RANBP17: variants seen among roughly 807,000 people sequenced by gnomAD.
RANBP17 encodes RAN binding protein 17.
RANBP17 carries 158 observed loss-of-function variants against 141.2 expected under a neutral mutation model. The observed-to-expected ratio is 1.12, with a 90% CI of 0.98 to 1.28. RANBP17 has a LOEUF of 1.28. RANBP17 is among the 50% of genes most tolerant of loss of function. RANBP17 has a pLI of 0.00. For synonymous variants in RANBP17, 430 were observed against 450.0 expected (o/e 0.96, Z 0.56); for missense variants, 1,438 against 1,290.7 (o/e 1.11, Z -1.75).
intron 14 of RANBP17, among the ~76,000 whole-genome samples, chr5:171,058,598 T>G (rs1783578117): frequency 1.3e-5 from 2 of 151,272 alleles, no homozygotes; most frequent in South Asian, 2.1e-4. Flanking sequence ...TCTTTGCTAT[T>G]TTGAATAGTG....
At chr5:171,116,642 C>T (rs1321206984) in intron 14 of RANBP17, among the ~76,000 whole-genome samples, 2 of 152,006 alleles carry the variant, frequency 1.3e-5, no homozygotes, top group Non-Finnish European at 2.9e-5. Flanking sequence ...TTAGCATATC[C>T]ATCATCTCAA....
intron 14 of RANBP17, chr5:171,028,911 A>G: frequency 3.1e-6 from 4 of 1,288,628 alleles, no homozygotes; most frequent in Non-Finnish European, 4.0e-6. Flanking sequence ...TGGCAAACCT[A>G]TCCAACTCGG....
chr5:171,149,881 C>T (rs1038041204), intron 14 of RANBP17, among the ~76,000 whole-genome samples: 2 of 152,146 alleles, frequency 1.3e-5, no homozygotes, highest in African/African-American at 2.4e-5. Flanking sequence ...CAGCGATCTC[C>T]TCTGTAGACT....
At chr5:171,154,316 A>C (rs1400915373) in intron 14 of RANBP17, among the ~76,000 whole-genome samples, 1 of 152,006 alleles carries the variant, frequency 6.6e-6, no homozygotes, top group African/African-American at 2.4e-5. Context: ...TTGCTTTGTC[A>C]CCCAGGCTGG....
chr5:170,863,127 T>G (rs918958252), intron 1 of RANBP17, among the ~76,000 whole-genome samples: 4 of 152,110 alleles, frequency 2.6e-5, no homozygotes, highest in African/African-American at 9.7e-5. Flanking sequence ...AGTCTACTGG[T>G]CCTTGAAAGA....
intron 14 of RANBP17, among the ~76,000 whole-genome samples, chr5:171,085,334 G>A (rs1294648998): frequency 1.6e-5 from 2 of 125,344 alleles, no homozygotes; most frequent in Non-Finnish European, 3.4e-5. Context: ...CTCTGTTTTG[G>A]TACCAGTACC....
At chr5:171,061,656 A>C (rs1345175057) in intron 14 of RANBP17, among the ~76,000 whole-genome samples, 1 of 151,960 alleles carries the variant, frequency 6.6e-6, no homozygotes, top group Non-Finnish European at 1.5e-5. Context: ...TGGGGTGGAG[A>C]GTTCTGTAGG....
intron 5 of RANBP17, among the ~76,000 whole-genome samples, chr5:170,902,314 G>A (rs2127405114): frequency 6.6e-6 from 1 of 152,020 alleles, no homozygotes; most frequent in Middle Eastern, 3.4e-3. Context: ...GATTGATTTG[G>A]CCGTTGATGT....
chr5:171,277,955 T>C (rs1767633956), intron 25 of RANBP17, among the ~76,000 whole-genome samples: 1 of 122,500 alleles, frequency 8.2e-6, no homozygotes, highest in Non-Finnish European at 1.7e-5. Flanking sequence ...TTTTTTTTTT[T>C]TTTTTTTTTT....
At chr5:171,152,377 A>G (rs894073595) in intron 14 of RANBP17, among the ~76,000 whole-genome samples, 9 of 149,410 alleles carry the variant, frequency 6.0e-5, no homozygotes, top group South Asian at 2.2e-4. Context: ...TGAGATCGCT[A>G]TTGCACTCCA....
rs1381847064 is a variant in RANBP17 at position 171,086,258 on chromosome 5, G to A, written c.1711-83872G>A. Among the ~76,000 whole-genome samples the A allele has an allele frequency of 6.4e-3, 892 of 139,054 alleles. 7 individuals carry two copies. Among genetic ancestry groups the A allele is most frequent in the Non-Finnish European group, 9.3e-3 (598 of 64,176 alleles). The allele number at this position is 139,054 out of a possible 152,430, so 91.2% of individuals were successfully genotyped here. ...TGTCTTTGGCTCTGTTTATATGCTG[G>A]ATTACATTTATTGATTTGCGTATAT... On this transcript the variant is annotated intron_variant, in intron 14 of 27. Transcript: ENST00000523189.
intron 1 of RANBP17, among the ~76,000 whole-genome samples, chr5:170,876,184 C>T (rs1396817163): frequency 1.3e-5 from 2 of 152,160 alleles, no homozygotes; most frequent in Non-Finnish European, 2.9e-5. Flanking sequence ...GTAGGGGCTC[C>T]CCTGCCCTGT....
At chr5:171,290,059 C>T (rs1242306494) in intron 25 of RANBP17, among the ~76,000 whole-genome samples, 4 of 151,238 alleles carry the variant, frequency 2.6e-5, no homozygotes, top group Admixed American at 6.6e-5. Context: ...ATTTAGTTAC[C>T]GCCTTGCCAT....
At chr5:170,872,458 G>A (rs2127327477) in intron 1 of RANBP17, among the ~76,000 whole-genome samples, 1 of 152,146 alleles carries the variant, frequency 6.6e-6, no homozygotes, top group Admixed American at 6.5e-5. Flanking sequence ...GTTGTCTGCA[G>A]AGATGATTTG....
Position 171,273,631 on chromosome 5 carries a change from A to G in RANBP17, c.2943+7784A>G, listed in dbSNP as rs1295830080. ...GTAGCCACTGATTGAAAATTAAAAA[A>G]CAAAAAATTGAAACATTTGGCAGGC... On this transcript the variant is annotated intron_variant, in intron 25 of 27. Transcript: ENST00000523189. Among the ~76,000 whole-genome samples, 4 of 152,212 alleles carry G rather than the reference A, an allele frequency of 2.6e-5. No homozygotes were observed. The East Asian group carries it at 7.7e-4, about 29-fold the overall frequency.
chr5:170,985,525 C>T (rs999155020), intron 14 of RANBP17, among the ~76,000 whole-genome samples: 1 of 152,134 alleles, frequency 6.6e-6, no homozygotes, highest in Non-Finnish European at 1.5e-5. Flanking sequence ...TTTTTGCTCT[C>T]ATTCTTCATT....
chr5:170,874,750 C>G (rs1287191094), intron 1 of RANBP17, among the ~76,000 whole-genome samples: 1 of 151,964 alleles, frequency 6.6e-6, no homozygotes, highest in Non-Finnish European at 1.5e-5. Context: ...CTCTTGAATA[C>G]AGTACACTGA....
chr5:171,042,608 A>G (rs1220438982), intron 14 of RANBP17, among the ~76,000 whole-genome samples: 1 of 152,200 alleles, frequency 6.6e-6, no homozygotes, highest in Non-Finnish European at 1.5e-5. Flanking sequence ...TCAAGAATAG[A>G]TTTATATTAC....
At chr5:171,128,280 A>G (rs949940509) in intron 14 of RANBP17, among the ~76,000 whole-genome samples, 3 of 152,262 alleles carry the variant, frequency 2.0e-5, no homozygotes, top group Non-Finnish European at 4.4e-5. Flanking sequence ...ATGGATAAAG[A>G]AAATGTTGTA....
Sources: allele counts gnomAD v4.1 joint callset (sites outside exome capture counted in the v4.1 genomes callset), GRCh38; gene constraint gnomAD v4.1.1; transcripts MANE v1.5; gene names NCBI Gene and HGNC (gene_info 2026-07-23, HGNC 2026-07-21).